The following CCDC7 variants were observed in gnomAD, a reference collection of about 807,000 sequenced individuals.
The protein encoded by CCDC7 is coiled-coil domain-containing protein 7.
A neutral mutation model predicts 196.9 loss-of-function variants in CCDC7; 183 were observed. The observed-to-expected ratio is 0.93, with a 90% CI of 0.82 to 1.05. CCDC7 has a LOEUF of 1.05. CCDC7 is among the 50% of genes least tolerant of loss of function. The pLI is 0.00. For synonymous variants in CCDC7, 525 were observed against 484.6 expected (o/e 1.08, Z -1.10); for missense variants, 1,540 against 1,482.2 (o/e 1.04, Z -0.64).
At chr10:32,749,185 A>T (rs2075285286) in intron 28 of CCDC7, among the ~76,000 whole-genome samples, 1 of 152,178 alleles carries the variant, frequency 6.6e-6, no homozygotes, top group Admixed American at 6.5e-5. Context: ...TCTATGAAGT[A>T]TCTAAGAAGA....
intron 11 of CCDC7, among the ~76,000 whole-genome samples, chr10:32,539,461 T>A (rs2051050349): frequency 6.6e-6 from 1 of 152,054 alleles, no homozygotes; most frequent in African/African-American, 2.4e-5. Flanking sequence ...ATTATTTTTT[T>A]TTATAAAACC....
At chr10:32,801,571 A>G (rs2084798178) in intron 29 of CCDC7, among the ~76,000 whole-genome samples, 1 of 152,172 alleles carries the variant, frequency 6.6e-6, no homozygotes, top group African/African-American at 2.4e-5. Flanking sequence ...AATAAATTAG[A>G]AAACTCAAGC....
intron 32 of CCDC7, among the ~76,000 whole-genome samples, chr10:32,826,512 T>C (rs1292788695): frequency 6.6e-6 from 1 of 152,124 alleles, no homozygotes; most frequent in Non-Finnish European, 1.5e-5. Context: ...CATCATCAAA[T>C]GGAAGTGGTA....
At chr10:32,707,395 C>G (rs2079971978) in intron 24 of CCDC7, among the ~76,000 whole-genome samples, 1 of 152,160 alleles carries the variant, frequency 6.6e-6, no homozygotes, top group Non-Finnish European at 1.5e-5. Flanking sequence ...GAAGCATTCC[C>G]TTTGAAAACT....
At chr10:32,537,761 A>G (rs1323679483) in intron 11 of CCDC7, among the ~76,000 whole-genome samples, 2 of 152,034 alleles carry the variant, frequency 1.3e-5, no homozygotes, top group East Asian at 3.9e-4. Context: ...TCCTTTCTTC[A>G]TTGCTTGTTT....
chr10:32,502,805 CT>C (rs1446541396), intron 9 of CCDC7, among the ~76,000 whole-genome samples: 1 of 152,126 alleles, frequency 6.6e-6, no homozygotes. Context: ...ATTTTCAATT[CT>C]TTGTGTGTTC....
chr10:32,729,853 A>G (rs187353616), intron 28 of CCDC7, among the ~76,000 whole-genome samples: 4 of 152,086 alleles, frequency 2.6e-5, no homozygotes, highest in Admixed American at 2.6e-4. Flanking sequence ...TTTATCTGTT[A>G]TTATGGCTCC....
In CCDC7 at chr10:32,500,381, G is replaced by A. The variant is rs984383564; in HGVS notation, c.872+8384G>A. Among the ~76,000 whole-genome samples, 6 of 151,876 alleles carry A rather than the reference G, an allele frequency of 4.0e-5. No individual in the cohort carries two copies. In the East Asian group the frequency reaches 1.2e-3, roughly 30 times the overall value. On this transcript the variant is annotated intron_variant, in intron 9 of 41. Transcript: ENST00000639629. Reference sequence around the variant, plus strand: ...CACCTCCCAGATGGGGTGGTGGCGGGGCAGAGACACTCCTCAGATCCCAGA... The same window carrying A: ...CACCTCCCAGATGGGGTGGTGGCGGAGCAGAGACACTCCTCAGATCCCAGA...
chr10:32,467,558 G>T lies in CCDC7; in HGVS notation c.511-3506G>T, dbSNP rs140781514. Among the ~76,000 whole-genome samples, 88 of 151,976 alleles carry T rather than the reference G, an allele frequency of 5.8e-4. No individual in the cohort carries two copies. The East Asian group carries it at 0.013, about 23-fold the overall frequency. Reference sequence around the variant, plus strand: ...AGGTTGCCTGTTTACTCTGTTGGTAGTTTTTTTTGCTGCACAGAAGCTCTT... The same window carrying T: ...AGGTTGCCTGTTTACTCTGTTGGTATTTTTTTTTGCTGCACAGAAGCTCTT... On this transcript the variant is annotated intron_variant, in intron 5 of 41. Coordinates refer to ENST00000639629, the Ensembl canonical transcript of CCDC7.
chr10:32,567,935 A>G, intron 15 of CCDC7, 44 bp downstream of exon 16: 1 of 1,527,188 alleles, frequency 6.5e-7, no homozygotes, highest in African/African-American at 1.4e-5. Flanking sequence ...ATGTTGTGAG[A>G]AATTTGTCTT....
At chr10:32,576,442 C>A (rs1412017138) in intron 16 of CCDC7, among the ~76,000 whole-genome samples, 1 of 151,022 alleles carries the variant, frequency 6.6e-6, no homozygotes, top group Non-Finnish European at 1.5e-5. Context: ...AGCTTGTAAA[C>A]AATTAGGGAA....
At chr10:32,770,056 A>G (rs2078932978) in intron 28 of CCDC7, among the ~76,000 whole-genome samples, 1 of 152,176 alleles carries the variant, frequency 6.6e-6, no homozygotes, top group South Asian at 2.1e-4. Flanking sequence ...GAGTCACCAC[A>G]CTGTCTTCCA....
intron 24 of CCDC7, among the ~76,000 whole-genome samples, chr10:32,709,587 G>A (rs539265091): frequency 1.3e-5 from 2 of 152,132 alleles, no homozygotes; most frequent in Non-Finnish European, 2.9e-5. Flanking sequence ...TGATCTGACA[G>A]GAGGCAGAGC....
intron 9 of CCDC7, among the ~76,000 whole-genome samples, chr10:32,492,874 C>T (rs952026): frequency 0.35 from 52,404 of 151,698 alleles, 11,462 homozygotes; most frequent in Non-Finnish European, 0.5. Context: ...TTAAAAGTTG[C>T]GATGATACAA....
At chr10:32,667,716 C>A (rs906624635) in intron 21 of CCDC7, among the ~76,000 whole-genome samples, 2 of 152,052 alleles carry the variant, frequency 1.3e-5, no homozygotes, top group Admixed American at 1.3e-4. Flanking sequence ...CTGTTCTGTC[C>A]CATTGGTCCA....
chr10:32,848,531 G>C, intron 38 of CCDC7, 65 bp from the exon 40 acceptor site: 1 of 1,168,200 alleles, frequency 8.6e-7, no homozygotes, highest in Non-Finnish European at 1.2e-6. Context: ...AATACGTGGA[G>C]ATGGGATTAG....
intron 30 of CCDC7, among the ~76,000 whole-genome samples, chr10:32,809,402 C>G (rs2086575540): frequency 6.6e-6 from 1 of 151,866 alleles, no homozygotes; most frequent in Non-Finnish European, 1.5e-5. Context: ...AAGAACCAAA[C>G]AGAAATCCCA....
chr10:32,569,204 A>G (rs752543974), intron 15 of CCDC7, among the ~76,000 whole-genome samples: 2 of 152,204 alleles, frequency 1.3e-5, no homozygotes, highest in Non-Finnish European at 2.9e-5. Flanking sequence ...AAGATGATGT[A>G]TATAATGTCA....
intron 13 of CCDC7, among the ~76,000 whole-genome samples, chr10:32,545,218 A>G (rs781681073): frequency 3.9e-5 from 6 of 152,342 alleles, no homozygotes; most frequent in Non-Finnish European, 8.8e-5. Flanking sequence ...CCAATGACAG[A>G]TGCCACACTG....
Sources: allele counts gnomAD v4.1 joint callset (sites outside exome capture counted in the v4.1 genomes callset), GRCh38; gene constraint gnomAD v4.1.1; transcripts MANE v1.5; gene names NCBI Gene and HGNC (gene_info 2026-07-23, HGNC 2026-07-21).